The following FGF9 variants were observed in gnomAD, a reference collection of about 807,000 sequenced individuals.
FGF9 encodes the protein fibroblast growth factor 9 (glia-activating factor).
FGF9 carries 3 observed loss-of-function variants against 19.9 expected under a neutral mutation model. That is an observed-to-expected ratio of 0.15 (90% CI 0.07 to 0.39). The LOEUF is 0.39. FGF9 is among the 10% of genes least tolerant of loss of function. The probability of loss-of-function intolerance (pLI) is 1.00; values close to 1 mark genes in which losing one functional copy is unlikely to be tolerated. For synonymous variants in FGF9, 107 were observed against 106.9 expected, an observed-to-expected ratio of 1.00 and a Z score of -0.01; for missense variants, 175 against 256.8, an observed-to-expected ratio of 0.68 and a Z score of 2.18.
chr13:21,673,956 GC>G (rs1409906869), intron 1 of FGF9: 2 of 152,350 alleles, frequency 1.3e-5, no homozygotes, highest in Non-Finnish European at 2.9e-5. Flanking sequence ...GCTCGGGTGC[GC>G]CCTTCAGTGC....
chr13:21,689,029 G>A (rs1321439925), intron 2 of FGF9, among the ~76,000 whole-genome samples: 1 of 152,176 alleles, frequency 6.6e-6, no homozygotes, highest in African/African-American at 2.4e-5. Context: ...GACATTTCCC[G>A]TCTGGGATGC....
intron 2 of FGF9, among the ~76,000 whole-genome samples, chr13:21,694,019 A>T (rs1391122819): frequency 6.6e-6 from 1 of 152,012 alleles, no homozygotes; most frequent in Admixed American, 6.5e-5. Flanking sequence ...GTTACTGTGG[A>T]TAACTTTGCT....
At chr13:21,697,645 C>T (rs549234335) in intron 2 of FGF9, among the ~76,000 whole-genome samples, 280 of 152,186 alleles carry the variant, frequency 1.8e-3, no homozygotes, top group African/African-American at 6.4e-3. Flanking sequence ...AGAATCTTTT[C>T]TTAAGCACTG....
chr13:21,675,155 G>A (rs1054062183), intron 1 of FGF9, among the ~76,000 whole-genome samples: 1 of 152,072 alleles, frequency 6.6e-6, no homozygotes, highest in East Asian at 1.9e-4. Context: ...CGGCCGAGGG[G>A]GAAGGGCGCT....
At chr13:21,697,625 G>GTATA (rs200242678) in intron 2 of FGF9, among the ~76,000 whole-genome samples, 2,710 of 152,068 alleles carry the variant, frequency 0.018, 85 homozygotes, top group African/African-American at 0.061. Context: ...CTTTAAAAAA[G>GTATA]TATAAAATGA....
intron 2 of FGF9, among the ~76,000 whole-genome samples, chr13:21,682,656 TA>T (rs1365047173): frequency 2.0e-5 from 3 of 147,934 alleles, no homozygotes; most frequent in Non-Finnish European, 4.5e-5. Flanking sequence ...AAACTTACAT[TA>T]AAAAAATAGA....
rs909155278 is a variant in FGF9 at position 21,702,656 on chromosome 13, A to G, written c.*1221A>G. ...TTAAAGACGTAAGAATCAGATTAAC[A>G]GGATCATACTTGTAAACTTTTTTTG... On this transcript the variant is annotated 3_prime_UTR_variant, in exon 3 of 3. Coordinates refer to ENST00000382353, the MANE Select transcript of FGF9 (RefSeq NM_002010.3). 1 of 152,234 alleles carries G rather than the reference A, an allele frequency of 6.6e-6. No individual in the cohort carries two copies. The highest frequency in any genetic ancestry group is 2.4e-5 in the African/African-American group (1 of 41,472). 9.4% of individuals were successfully genotyped at this position (152,234 alleles called of 1,614,324 possible).
chr13:21,675,616 G>A (rs1364872440), intron 1 of FGF9, among the ~76,000 whole-genome samples: 1 of 152,290 alleles, frequency 6.6e-6, no homozygotes, highest in African/African-American at 2.4e-5. Flanking sequence ...TCCGCAGCCC[G>A]GCTCCCCTCT....
intron 1 of FGF9, among the ~76,000 whole-genome samples, chr13:21,678,980 G>A (rs531683267): frequency 6.6e-6 from 1 of 152,244 alleles, no homozygotes; most frequent in Admixed American, 6.5e-5. Context: ...TTTTGACTCA[G>A]AAGAATAGTA....
rs1872563358 is a variant in FGF9, at chr13:21,702,055, A to C, written c.*620A>C. The C allele has an allele frequency of 2.6e-5, 4 of 151,330 alleles. No individual in the cohort carries two copies. The South Asian group carries it at 8.3e-4, about 31-fold the overall frequency. The allele number at this position is 151,330 out of a possible 1,614,324, so 9.4% of individuals were successfully genotyped here. ...TATTTATAGAAATTCCAAAGGCAAC[A>C]TTTTATTTATTTTATATATTTATTT... On this transcript the variant is annotated 3_prime_UTR_variant, in exon 3 of 3. Transcript: ENST00000382353.
At chr13:21,674,378 G>A (rs1200440481) in intron 1 of FGF9, among the ~76,000 whole-genome samples, 1 of 151,736 alleles carries the variant, frequency 6.6e-6, no homozygotes, top group Admixed American at 6.5e-5. Context: ...GGGCCGCGGA[G>A]GCGGGCGGAG....
intron 1 of FGF9, among the ~76,000 whole-genome samples, chr13:21,676,252 G>A (rs1333349419): frequency 6.6e-6 from 1 of 152,102 alleles, no homozygotes. Context: ...CTGAAAGGCC[G>A]GTCTTCATCA....
chr13:21,701,576 G>C lies in FGF9; in HGVS notation c.*141G>C. 1 of 1,190,658 alleles carries C rather than the reference G, an allele frequency of 8.4e-7. No individual in the cohort carries two copies. The highest frequency in any genetic ancestry group is 1.2e-6 in the Non-Finnish European group (1 of 814,214). The allele number at this position is 1,190,658 out of a possible 1,614,324, so 73.8% of individuals were successfully genotyped here. A position where few individuals can be genotyped will look rare whatever the true frequency, so the allele number is the denominator to read the frequency against. ...GTCGCATGCATAATGTATGATGGAG[G>C]CTTGGATGGGAATATGCTGATTTTG... On this transcript the variant is annotated 3_prime_UTR_variant, in exon 3 of 3. Transcript: ENST00000382353.
At chr13:21,690,668 GT>G (rs1229293998) in intron 2 of FGF9, among the ~76,000 whole-genome samples, 1 of 152,138 alleles carries the variant, frequency 6.6e-6, no homozygotes, top group Non-Finnish European at 1.5e-5. Flanking sequence ...GACTTTCATG[GT>G]TATTTGTGGT....
intron 2 of FGF9, among the ~76,000 whole-genome samples, chr13:21,690,124 C>T (rs560283852): frequency 5.3e-5 from 8 of 152,324 alleles, no homozygotes; most frequent in African/African-American, 1.4e-4. Flanking sequence ...GCTGCACAGC[C>T]TGATTCAGAA....
In FGF9 at chr13:21,674,940, G is replaced by A. The variant is rs527629991; in HGVS notation, c.277+2751G>A. ...AAAGCTAGACCCCTCACCCCTAGAG[G>A]TCAGAGAAAGGTGTTGTCAGGGAAG... On this transcript the variant is annotated intron_variant, in intron 1 of 2. Coordinates refer to ENST00000382353, the MANE Select transcript of FGF9 (RefSeq NM_002010.3). 2.1e-3 allele frequency among the ~76,000 whole-genome samples: 317 copies of A among 150,532 alleles called. 1 individual carries two copies. Among genetic ancestry groups the A allele is most frequent in the Middle Eastern group, 6.8e-3 (2 of 294 alleles).
intron 1 of FGF9, among the ~76,000 whole-genome samples, chr13:21,674,960 G>A (rs1871872922): frequency 6.7e-6 from 1 of 149,622 alleles, no homozygotes; most frequent in Non-Finnish European, 1.5e-5. Context: ...GGTGTTGTCA[G>A]GGAAGTGGCA....
At chr13:21,692,231 C>T (rs1872309053) in intron 2 of FGF9, among the ~76,000 whole-genome samples, 1 of 152,176 alleles carries the variant, frequency 6.6e-6, no homozygotes, top group South Asian at 2.1e-4. Context: ...TTTAGGTTCT[C>T]CTGCTCTATT....
At position 21,689,326 on chromosome 13, in the gene FGF9, G is replaced by A. The variant is rs1872233603; in HGVS notation, c.381+8181G>A. Among the ~76,000 whole-genome samples the A allele has an allele frequency of 2.0e-5, 3 of 152,206 alleles. 1 individual carries two copies. The highest frequency in any genetic ancestry group is 2.0e-4 in the Admixed American group (3 of 15,276). ...TTTTGTAAAGCAGAGCTCTGCGAAG[G>A]CAGGGACTTGGTGACTGTGCTTCCC... On this transcript the variant is annotated intron_variant, in intron 2 of 2. Transcript: ENST00000382353.
Sources: gnomAD v4.1 joint callset for allele counts (sites outside exome capture counted in the v4.1 genomes callset) on GRCh38, gnomAD v4.1.1 for gene constraint, MANE v1.5 for transcripts, NCBI Gene and HGNC (gene_info 2026-07-23, HGNC 2026-07-21) for gene names.